Variants in UST observed in about 807,000 individuals in gnomAD.
UST encodes uronyl 2-sulfotransferase.
A neutral mutation model predicts 45.6 loss-of-function variants in UST; 21 were observed. The observed-to-expected ratio is 0.46, with a 90% CI of 0.33 to 0.66. The LOEUF (loss-of-function observed/expected upper bound fraction) is 0.66, where lower values mean the gene tolerates loss of function less well. Ranked by LOEUF, UST falls within the 30% of genes least tolerant of loss-of-function variation. UST has a pLI of 0.02. For synonymous variants in UST, 215 were observed against 200.6 expected (o/e 1.07, Z -0.61); for missense variants, 463 against 512.4 (o/e 0.90, Z 0.93).
chr6:149,030,145 G>A (rs1776117629), intron 7 of UST, among the ~76,000 whole-genome samples: 1 of 151,974 alleles, frequency 6.6e-6, no homozygotes, highest in Non-Finnish European at 1.5e-5. Context: ...GGAAACCAAG[G>A]CTCAAAGAGG....
chr6:149,005,541 C>T (rs1215977633), intron 5 of UST: 4 of 985,314 alleles, frequency 4.1e-6, no homozygotes, highest in Non-Finnish European at 3.6e-6. Flanking sequence ...GTGTACTTTT[C>T]ATTCCTTCCA....
At chr6:148,807,134 A>C (rs1372984452) in intron 1 of UST, among the ~76,000 whole-genome samples, 1 of 152,206 alleles carries the variant, frequency 6.6e-6, no homozygotes, top group Non-Finnish European at 1.5e-5. Flanking sequence ...CAAAAGAGGG[A>C]GAGTTACTTT....
At chr6:148,779,903 A>C (rs1191585558) in intron 1 of UST, among the ~76,000 whole-genome samples, 1 of 152,008 alleles carries the variant, frequency 6.6e-6, no homozygotes, top group Non-Finnish European at 1.5e-5. Flanking sequence ...AACTGCTGTG[A>C]GTGGAGTTCT....
rs573229670 is a variant in UST, at chr6:148,849,671, A to G, written c.248-37315A>G. 3.9e-5 allele frequency among the ~76,000 whole-genome samples: 6 copies of G among 152,282 alleles called. No individual in the cohort carries two copies. In the South Asian group the frequency reaches 1.2e-3, roughly 32 times the overall value. On this transcript the variant is annotated intron_variant, in intron 1 of 7. Transcript: ENST00000367463. ...GCAGGAGAGAGAATGAGTGCTGAGCAAAAGGGGAAGCACCTTATAAAACCA... is the reference window on the plus strand; with the variant it reads ...GCAGGAGAGAGAATGAGTGCTGAGCGAAAGGGGAAGCACCTTATAAAACCA...
intron 1 of UST, among the ~76,000 whole-genome samples, chr6:148,830,938 A>C (rs1193322144): frequency 6.6e-6 from 1 of 152,200 alleles, no homozygotes; most frequent in Non-Finnish European, 1.5e-5. Flanking sequence ...GTCCACTTAA[A>C]AATGGTAAAT....
intron 1 of UST, among the ~76,000 whole-genome samples, chr6:148,750,137 G>A: frequency 6.6e-6 from 1 of 152,282 alleles, no homozygotes; most frequent in African/African-American, 2.4e-5. Flanking sequence ...TTTCGTAAAT[G>A]TAAGTTCATG....
intron 1 of UST, 144 bp from the exon 2 acceptor site, chr6:148,886,842 C>T: frequency 1.4e-6 from 1 of 714,330 alleles, no homozygotes. Context: ...CCAGTCAAAC[C>T]AGTGATTAAT....
At chr6:148,858,346 C>G (rs958667577) in intron 1 of UST, among the ~76,000 whole-genome samples, 1 of 152,054 alleles carries the variant, frequency 6.6e-6, no homozygotes, top group African/African-American at 2.4e-5. Flanking sequence ...GTCTGATGTT[C>G]GAGGGCAGGA....
chr6:148,875,352 T>G (rs949458266), intron 1 of UST, among the ~76,000 whole-genome samples: 1 of 152,174 alleles, frequency 6.6e-6, no homozygotes, highest in Admixed American at 6.5e-5. Flanking sequence ...TGGAAAAAAT[T>G]TTTTGTAAAT....
intron 2 of UST, among the ~76,000 whole-genome samples, chr6:148,906,654 A>G (rs1779366308): frequency 6.6e-6 from 1 of 150,896 alleles, no homozygotes; most frequent in African/African-American, 2.4e-5. Flanking sequence ...TCTGAAGCTT[A>G]GTGAACCTAC....
At chr6:149,014,947 T>C (rs2500547) in intron 5 of UST, among the ~76,000 whole-genome samples, 139,859 of 152,136 alleles carry the variant, frequency 0.92, 64,665 homozygotes, top group Non-Finnish European at 0.95. Flanking sequence ...GGGGCACCTC[T>C]GGAGGCTGCA....
In UST at chr6:148,784,365, T is replaced by C. The variant is rs148275469; in HGVS notation, c.247+36688T>C. ...CACTCTTTTTATGTAATCGGAATTA[T>C]TGAATGAAAATTTTGAAGGAAATAA... is the stretch of plus-strand genomic sequence containing the variant. On this transcript the variant is annotated intron_variant, in intron 1 of 7. Coordinates refer to ENST00000367463, the MANE Select transcript of UST (RefSeq NM_005715.3). Among the ~76,000 whole-genome samples, 934 of 152,360 alleles carry C rather than the reference T, an allele frequency of 6.1e-3. 46 individuals carry two copies. Among genetic ancestry groups the C allele is most frequent in the Admixed American group, 0.046 (708 of 15,298 alleles).
At chr6:148,944,530 CACA>C (rs1780195451) in intron 3 of UST, among the ~76,000 whole-genome samples, 4 of 151,914 alleles carry the variant, frequency 2.6e-5, no homozygotes, top group Non-Finnish European at 5.9e-5. Context: ...CACACACACA[CACA>C]CACACACACA....
At chr6:148,919,123 C>G (rs966253791) in intron 2 of UST, among the ~76,000 whole-genome samples, 24 of 151,858 alleles carry the variant, frequency 1.6e-4, no homozygotes, top group African/African-American at 5.8e-4. Context: ...CAAGCATTCC[C>G]TACATACAAA....
intron 4 of UST, among the ~76,000 whole-genome samples, chr6:148,956,409 AT>A (rs1780504921): frequency 6.6e-6 from 1 of 152,206 alleles, no homozygotes; most frequent in Non-Finnish European, 1.5e-5. Flanking sequence ...AAAAGCGGAA[AT>A]CCCTGATAAA....
intron 1 of UST, among the ~76,000 whole-genome samples, chr6:148,823,636 G>A (rs1219094191): frequency 6.6e-6 from 1 of 152,214 alleles, no homozygotes; most frequent in African/African-American, 2.4e-5. Flanking sequence ...TGGTAGCAGT[G>A]TACCTTAATT....
At chr6:148,867,221 C>T (rs1374625378) in intron 1 of UST, among the ~76,000 whole-genome samples, 3 of 150,162 alleles carry the variant, frequency 2.0e-5, no homozygotes, top group Non-Finnish European at 3.0e-5. Context: ...AGAGAAAAAC[C>T]CAGTTTGCAT....
intron 1 of UST, among the ~76,000 whole-genome samples, chr6:148,795,554 GA>G (rs1776932856): frequency 6.6e-6 from 1 of 151,830 alleles, no homozygotes; most frequent in African/African-American, 2.4e-5. Context: ...TACTATATAT[GA>G]AAAAAAGTCC....
intron 7 of UST, among the ~76,000 whole-genome samples, chr6:149,066,759 GA>G (rs1334173223): frequency 6.6e-6 from 1 of 151,908 alleles, no homozygotes; most frequent in East Asian, 1.9e-4. Flanking sequence ...AGATTAACAG[GA>G]AAAAAAGGAA....
Sources: gnomAD v4.1 joint callset for allele counts (sites outside exome capture counted in the v4.1 genomes callset) on GRCh38, gnomAD v4.1.1 for gene constraint, MANE v1.5 for transcripts, NCBI Gene and HGNC (gene_info 2026-07-23, HGNC 2026-07-21) for gene names.